The following NRXN1 variants were observed in gnomAD, a reference collection of about 807,000 sequenced individuals.
NRXN1 encodes the protein neurexin 1, also known as neurexin-1.
Under a neutral mutation model 150.9 loss-of-function variants are expected in NRXN1, and 39 were observed. The observed-to-expected ratio is 0.26, with a 90% CI of 0.20 to 0.34. The LOEUF (loss-of-function observed/expected upper bound fraction) is 0.34. NRXN1 is among the 10% of genes least tolerant of loss of function. NRXN1 has a pLI of 1.00. For synonymous variants in NRXN1, 924 were observed against 757.0 expected, an observed-to-expected ratio of 1.22 and a Z score of -3.62; for missense variants, 1,815 against 1,949.9, an observed-to-expected ratio of 0.93 and a Z score of 1.30.
intron 2 of NRXN1, among the ~76,000 whole-genome samples, chr2:50,982,538 G>A (rs180808137): frequency 3.5e-4 from 53 of 152,124 alleles, no homozygotes; most frequent in Non-Finnish European, 5.3e-4. Flanking sequence ...AAGGTGATTC[G>A]TAGATAGGGA....
chr2:50,566,273 C>G (rs556667352), intron 8 of NRXN1, among the ~76,000 whole-genome samples: 1 of 152,126 alleles, frequency 6.6e-6, no homozygotes, highest in South Asian at 2.1e-4. Flanking sequence ...GAGATGGAGT[C>G]TCACTCTGCA....
intron 17 of NRXN1, among the ~76,000 whole-genome samples, chr2:50,367,109 T>C (rs571394580): frequency 6.6e-6 from 1 of 152,020 alleles, no homozygotes; most frequent in Non-Finnish European, 1.5e-5. Context: ...CCAGATGCAT[T>C]TTAGGAAAGT....
At chr2:50,880,987 CA>C (rs947657440) in intron 5 of NRXN1, among the ~76,000 whole-genome samples, 2 of 151,888 alleles carry the variant, frequency 1.3e-5, no homozygotes, top group African/African-American at 4.8e-5. Flanking sequence ...ACAGAGAAGT[CA>C]AGAGATATAG....
rs540697605 is a variant in NRXN1 at position 50,309,359 on chromosome 2, G to A, written c.3365-72389C>T. On this transcript the variant is annotated intron_variant, in intron 17 of 22. Coordinates refer to ENST00000401669, the MANE Select transcript of NRXN1 (RefSeq NM_001330078.2). ...AAATCAGGAGTTCTGGCTTCCATTG[G>A]TATCTCTGACACTAATTAATTGTGA... is the stretch of plus-strand genomic sequence containing the variant. 9.9e-5 allele frequency among the ~76,000 whole-genome samples: 15 copies of A among 152,190 alleles called. No homozygotes were observed. In the East Asian group the frequency reaches 2.9e-3, roughly 29 times the overall value.
chr2:49,934,666 T>C (rs551139987), intron 22 of NRXN1, among the ~76,000 whole-genome samples: 4 of 152,242 alleles, frequency 2.6e-5, no homozygotes, highest in Admixed American at 2.0e-4. Context: ...GCATCCATCA[T>C]GGTGGGGAGG....
intron 2 of NRXN1, among the ~76,000 whole-genome samples, chr2:50,931,712 T>A (rs1003974446): frequency 1.3e-5 from 2 of 152,120 alleles, no homozygotes; most frequent in Non-Finnish European, 2.9e-5. Context: ...AAAAATTCAC[T>A]GTATTTACAT....
At chr2:50,272,708 C>T (rs1003487600) in intron 17 of NRXN1, among the ~76,000 whole-genome samples, 4 of 151,934 alleles carry the variant, frequency 2.6e-5, no homozygotes, top group African/African-American at 9.7e-5. Flanking sequence ...ATAGATACAG[C>T]ATAAAGTGAT....
intron 8 of NRXN1, among the ~76,000 whole-genome samples, chr2:50,565,676 G>A (rs947364741): frequency 2.0e-5 from 3 of 152,084 alleles, no homozygotes; most frequent in Non-Finnish European, 4.4e-5. Context: ...ACTAGTTTGA[G>A]AAAATAAAGA....
chr2:50,075,705 T>C (rs1387996651), intron 19 of NRXN1, among the ~76,000 whole-genome samples: 3 of 152,268 alleles, frequency 2.0e-5, no homozygotes, highest in South Asian at 4.2e-4. Context: ...AATTATCGAA[T>C]GCCACTGTGG....
In NRXN1 at chr2:50,827,751, G is replaced by A. The variant is rs1038375826; in HGVS notation, c.832+94118C>T. On this transcript the variant is annotated intron_variant, in intron 5 of 22. Transcript: ENST00000401669. ...GGTTTTCCTAGGCAGAGGACCCTGCGGCCTTCCGCAGTGTTTGTGTCCCTG... is the reference window on the plus strand; with the variant it reads ...GGTTTTCCTAGGCAGAGGACCCTGCAGCCTTCCGCAGTGTTTGTGTCCCTG... Among the ~76,000 whole-genome samples the A allele has an allele frequency of 5.4e-4, 82 of 151,538 alleles. 1 individual carries two copies. The highest frequency in any genetic ancestry group is 1.8e-3 in the African/African-American group (75 of 41,348).
At chr2:50,344,487 C>A (rs961044094) in intron 17 of NRXN1, among the ~76,000 whole-genome samples, 3 of 152,266 alleles carry the variant, frequency 2.0e-5, no homozygotes, top group Admixed American at 6.5e-5. Context: ...GACCATACAA[C>A]AGAACCTTCG....
intron 17 of NRXN1, among the ~76,000 whole-genome samples, chr2:50,266,189 G>C (rs989888304): frequency 6.7e-6 from 1 of 149,016 alleles, no homozygotes; most frequent in Non-Finnish European, 1.5e-5. Flanking sequence ...AGTAGAGACA[G>C]GGTTTCACCA....
chr2:50,180,059 C>T (rs1431147603), intron 18 of NRXN1, among the ~76,000 whole-genome samples: 1 of 152,028 alleles, frequency 6.6e-6, no homozygotes, highest in East Asian at 1.9e-4. Context: ...ACTCTGTTGT[C>T]CAGGCTGGCT....
At chr2:50,230,757 T>C (rs1165097487) in intron 18 of NRXN1, among the ~76,000 whole-genome samples, 1 of 152,052 alleles carries the variant, frequency 6.6e-6, no homozygotes, top group African/African-American at 2.4e-5. Flanking sequence ...ATTTAGAAGT[T>C]GAGAAATTGA....
chr2:50,403,142 T>C (rs2082510054), intron 17 of NRXN1, among the ~76,000 whole-genome samples: 1 of 152,110 alleles, frequency 6.6e-6, no homozygotes, highest in African/African-American at 2.4e-5. Flanking sequence ...AGGACTTACT[T>C]GGGTACCTTT....
chr2:50,072,919 T>C (rs1696520130), intron 19 of NRXN1, among the ~76,000 whole-genome samples: 1 of 152,190 alleles, frequency 6.6e-6, no homozygotes, highest in Admixed American at 6.5e-5. Flanking sequence ...CCTAAGAAAT[T>C]AGACATAGCT....
rs191930045 is a variant in NRXN1, at chr2:50,722,781, T to G, written c.833-99166A>C. On this transcript the variant is annotated intron_variant, in intron 5 of 22. Transcript: ENST00000401669. The stretch of plus-strand genomic sequence containing the variant: ...AAATCAATTTGAAATTCTTTCGAAT[T>G]GGGGAAAGTAAAATTCCTAACACAC... Among the ~76,000 whole-genome samples, 364 of 152,270 alleles carry G rather than the reference T, an allele frequency of 2.4e-3. 2 individuals are homozygous for G. Among genetic ancestry groups the G allele is most frequent in the African/African-American group, 8.5e-3 (352 of 41,570 alleles).
At chr2:49,948,908 C>T (rs1164298385) in intron 21 of NRXN1, among the ~76,000 whole-genome samples, 2 of 151,924 alleles carry the variant, frequency 1.3e-5, no homozygotes, top group African/African-American at 2.4e-5. Context: ...TCTAACTGTG[C>T]ATTTAACCAC....
At chr2:50,310,892 T>C (rs529531936) in intron 17 of NRXN1, among the ~76,000 whole-genome samples, 12 of 152,178 alleles carry the variant, frequency 7.9e-5, no homozygotes, top group Non-Finnish European at 1.6e-4. Context: ...GGTAGAATAA[T>C]GGATGATCTT....
Sources: allele counts gnomAD v4.1 joint callset (sites outside exome capture counted in the v4.1 genomes callset), GRCh38; gene constraint gnomAD v4.1.1; transcripts MANE v1.5; gene names NCBI Gene and HGNC (gene_info 2026-07-23, HGNC 2026-07-21).